Variants in GPR78 observed in about 807,000 individuals in gnomAD.
GPR78 encodes the protein G protein-coupled receptor 78.
Under a neutral mutation model 17.9 loss-of-function variants are expected in GPR78, and 29 were observed. That is an observed-to-expected ratio of 1.62 (90% CI 1.20 to 2.21). The LOEUF (loss-of-function observed/expected upper bound fraction) is 2.21, where lower values mean the gene tolerates loss of function less well. Ranked by LOEUF, GPR78 falls within the 30% of genes most tolerant of loss-of-function variation. The pLI is 0.00. For missense variants in GPR78, 649 were observed against 530.5 expected, an observed-to-expected ratio of 1.22 and a Z score of -2.19; for synonymous variants, 349 against 256.9, an observed-to-expected ratio of 1.36 and a Z score of -3.43.
chr4:8,581,320 G>A lies in GPR78; in HGVS notation c.338G>A (p.Arg113His). Residue 113 changes from arginine to histidine, a missense_variant, in exon 1 of 3, where the codon CGC (arginine) becomes CAC (histidine). Transcript: ENST00000382487. Reference protein sequence around the residue: ...DQWLAVGFPLRYAGRLRPRYA... With the variant: ...DQWLAVGFPLHYAGRLRPRYA... ...TGGCTGGCAGTGGGCTTCCCACTGCGCTACGCCGGACGCCTGCGACCGCGC... is the reference window on the plus strand; with the variant it reads ...TGGCTGGCAGTGGGCTTCCCACTGCACTACGCCGGACGCCTGCGACCGCGC... 1 of 1,579,374 alleles carries A rather than the reference G, an allele frequency of 6.3e-7. No individual in the cohort carries two copies. The highest frequency in any genetic ancestry group is 8.6e-7 in the Non-Finnish European group (1 of 1,168,958).
In GPR78 at chr4:8,581,434, G is replaced by A. The variant is rs1355562790; in HGVS notation, c.452G>A (p.Ser151Asn). The change falls in exon 1 of 3, where the codon AGC becomes AAC. Residue 151 changes from serine (S) to asparagine (N), a missense_variant. By Grantham distance (46) the Ser-to-Asn change is conservative. Transcript: ENST00000382487. ...ALGCSWLGYS[S>N]AFASCSLRLP... ...GGCTGCTCGTGGCTTGGCTACAGCAGCGCCTTCGCGTCCTGTTCGCTGCGC... is the reference window on the plus strand; with the variant it reads ...GGCTGCTCGTGGCTTGGCTACAGCAACGCCTTCGCGTCCTGTTCGCTGCGC... 3 of 1,588,768 alleles carry A rather than the reference G, an allele frequency of 1.9e-6. No individual in the cohort carries two copies. Among genetic ancestry groups the A allele is most frequent in the Admixed American group, 3.4e-5 (2 of 59,254 alleles).
rs1469256395 is a variant in GPR78 at position 8,589,209 on chromosome 4, C to G, written c.*1846C>G. On this transcript the variant is annotated 3_prime_UTR_variant, in exon 3 of 3. Coordinates refer to ENST00000382487, the MANE Select transcript of GPR78 (RefSeq NM_080819.5). ...ATTTGCTGACTCACCAATGCCTCCC[C>G]CAAAAGGATAAATTTAAAGGTGTGT... 6.6e-6 allele frequency among the ~76,000 whole-genome samples: 1 copy of G among 151,976 alleles called. No homozygotes were observed. Among genetic ancestry groups the G allele is most frequent in the Admixed American group, 6.6e-5 (1 of 15,256 alleles).
rs375411404 is a variant in GPR78 at position 8,587,294 on chromosome 4, G to A, written c.1023G>A (p.Pro341=). 1.2e-4 allele frequency: 187 copies of A among 1,610,806 alleles called. No individual in the cohort carries two copies. Among genetic ancestry groups the A allele is most frequent in the Non-Finnish European group, 1.4e-4 (161 of 1,178,270 alleles). ...TGCACCAGCTGCTGAAGAGAACCCC[G>A]CGCCCAGCGTCCACCCACAACGGCT... ...GMVHQLLKRT[P]RPASTHNGSV... is the part of the protein sequence containing the mutation. The change falls in exon 3 of 3, where the codon CCG becomes CCA. Residue 341 remains proline (P), a synonymous_variant. Coordinates refer to ENST00000382487, the MANE Select transcript of GPR78 (RefSeq NM_080819.5).
At position 8,587,995 on chromosome 4, in the gene GPR78, T is replaced by A. The variant is rs1180331576; in HGVS notation, c.*632T>A. On this transcript the variant is annotated 3_prime_UTR_variant, in exon 3 of 3. Transcript: ENST00000382487. ...CAGCTCCAGGCCTGTCCGCTGTGAC[T>A]GCCTGTGTGGGCACGCAGATGGAGC... 6.6e-6 allele frequency among the ~76,000 whole-genome samples: 1 copy of A among 152,216 alleles called. No individual in the cohort carries two copies. The highest frequency in any genetic ancestry group is 1.5e-5 in the Non-Finnish European group (1 of 68,040).
intron 1 of GPR78, 152 bp downstream of exon 1, chr4:8,581,802 C>CA: frequency 1.7e-6 from 1 of 596,446 alleles, no homozygotes; most frequent in South Asian, 2.6e-5. Flanking sequence ...ACAGGGGTTT[C>CA]CTGTTGGTTC....
In GPR78 at chr4:8,580,652, A is replaced by ACGCCCCG. The variant is rs1466622386; in HGVS notation, c.-324_-318dup. The ACGCCCCG allele has an allele frequency of 2.4e-6, 1 of 420,528 alleles. No homozygotes were observed. Among genetic ancestry groups the ACGCCCCG allele is most frequent in the Admixed American group, 4.3e-5 (1 of 23,192 alleles). The allele number at this position is 420,528 out of a possible 1,614,324, so 26.0% of individuals were successfully genotyped here. A position where few individuals can be genotyped will look rare whatever the true frequency, so the allele number is the denominator to read the frequency against. ...TAGGAAAGAGACCTCCCTCGCCCCT[A>ACGCCCCG]CGCCCCGCGCCCCTGCGCCTCGCTT... On this transcript the variant is annotated 5_prime_UTR_variant, in exon 1 of 3. Coordinates refer to ENST00000382487, the MANE Select transcript of GPR78 (RefSeq NM_080819.5).
At position 8,582,511 on chromosome 4, in the gene GPR78, A is replaced by C; in HGVS notation, c.669-20A>C. The C allele has an allele frequency of 6.4e-7, 1 of 1,557,214 alleles. No homozygotes were observed. On this transcript the variant is annotated intron_variant, in intron 1 of 2. Transcript: ENST00000382487. ...TCCCCACCCTGCCATCATCCTGACCACTGTCCTCTGTCCCCACAGTGTGCG... is the reference window on the plus strand; with the variant it reads ...TCCCCACCCTGCCATCATCCTGACCCCTGTCCTCTGTCCCCACAGTGTGCG...
In GPR78 at chr4:8,582,762, C is replaced by T. The variant is rs1713350949; in HGVS notation, c.782+118C>T. The T allele has an allele frequency of 9.7e-6, 7 of 721,256 alleles. No homozygotes were observed. In the South Asian group the frequency reaches 1.1e-4, roughly 11 times the overall value. The allele number at this position is 721,256 out of a possible 1,614,324, so 44.7% of individuals were successfully genotyped here. Reference sequence around the variant, plus strand: ...TGGAGGGCGGCCACCACCAGAGGACCCTCCTCCACACCTGACGGGCTCAGG... The same window carrying T: ...TGGAGGGCGGCCACCACCAGAGGACTCTCCTCCACACCTGACGGGCTCAGG... On this transcript the variant is annotated intron_variant, in intron 2 of 2. Coordinates refer to ENST00000382487, the MANE Select transcript of GPR78 (RefSeq NM_080819.5).
rs1713265266 is a variant in GPR78 at position 8,581,204 on chromosome 4, G to A, written c.222G>A (p.Ser74=). The A allele has an allele frequency of 2.2e-5, 35 of 1,599,412 alleles. No individual in the cohort carries two copies. The highest frequency in any genetic ancestry group is 2.8e-5 in the Non-Finnish European group (33 of 1,177,984). The change falls in exon 1 of 3, where the codon TCG becomes TCA. Residue 74 remains serine (S), a synonymous_variant. Coordinates refer to ENST00000382487, the MANE Select transcript of GPR78 (RefSeq NM_080819.5). ...GTGTGATGCGCGGGCGGACACCGTC[G>A]GCGCCCGGCGCATGCCAAGTCATTG... ...LLGVMRGRTP[S]APGACQVIGF... is the part of the protein sequence containing the mutation.
intron 1 of GPR78, 102 bp from the exon 2 acceptor site, chr4:8,582,429 C>T: frequency 1.3e-6 from 1 of 740,958 alleles, no homozygotes; most frequent in Non-Finnish European, 2.4e-6. Context: ...TAAACATCCT[C>T]CTGAAACCCT....
At chr4:8,585,502 G>T (rs1713466212) in intron 2 of GPR78, among the ~76,000 whole-genome samples, 1 of 152,092 alleles carries the variant, frequency 6.6e-6, no homozygotes, top group African/African-American at 2.4e-5. Context: ...GCTGTGACCA[G>T]TCTCCAGTCT....
intron 1 of GPR78, among the ~76,000 whole-genome samples, 185 bp from the exon 2 acceptor site, chr4:8,582,346 A>G (rs1713328578): frequency 6.6e-6 from 1 of 151,670 alleles, no homozygotes; most frequent in African/African-American, 2.4e-5. Context: ...CCTTTATTTC[A>G]CCTACAAAAA....
At position 8,587,425 on chromosome 4, in the gene GPR78, T is replaced by C. The variant is rs191083519; in HGVS notation, c.*62T>C. On this transcript the variant is annotated 3_prime_UTR_variant, in exon 3 of 3. Coordinates refer to ENST00000382487, the MANE Select transcript of GPR78 (RefSeq NM_080819.5). ...AGCCCTGTGGAAAGGGCACTGGCCC[T>C]GCCACAGAGATGCCACTGGGGACCC... 5.5e-4 allele frequency: 845 copies of C among 1,524,238 alleles called. 1 individual carries two copies. Among genetic ancestry groups the C allele is most frequent in the Non-Finnish European group, 7.0e-4 (787 of 1,119,970 alleles). 94.4% of individuals were successfully genotyped at this position (1,524,238 alleles called of 1,614,324 possible). A position where few individuals can be genotyped will look rare whatever the true frequency, so the allele number is the denominator to read the frequency against.
At chr4:8,586,997 G>A in intron 2 of GPR78, 57 bp from the exon 3 acceptor site, 1 of 1,459,318 alleles carries the variant, frequency 6.9e-7, no homozygotes, top group Non-Finnish European at 9.5e-7. Context: ...CCCGGAGCGT[G>A]AGTGCGTGGC....
At chr4:8,586,813 G>A (rs1713527544) in intron 2 of GPR78, among the ~76,000 whole-genome samples, 2 of 152,210 alleles carry the variant, frequency 1.3e-5, no homozygotes, top group Admixed American at 6.5e-5. Context: ...CACCTACTGA[G>A]CACCTGCTGT....
In GPR78 at chr4:8,581,399, CGCTGCACTT is replaced by C; in HGVS notation, c.419_427del (p.Ala140_Leu142del). On this transcript the variant is annotated inframe_deletion, in exon 1 of 3. Coordinates refer to ENST00000382487, the MANE Select transcript of GPR78 (RefSeq NM_080819.5). ...GGGGACAGTCGCTGGCCTTCTCAGG[CGCTGCACTT>C]GGCTGCTCGTGGCTTGGCTACAGCA... The C allele has an allele frequency of 6.3e-7, 1 of 1,586,602 alleles. No homozygotes were observed.
chr4:8,581,680 A>G (rs1208829317), intron 1 of GPR78, 30 bp downstream of exon 1: 1 of 1,418,526 alleles, frequency 7.0e-7, no homozygotes, highest in East Asian at 2.6e-5. Context: ...CGACAGGCCC[A>G]GGCCAGGGAC....
rs1236106888 is a variant in GPR78, at chr4:8,581,537, G to T, written c.555G>T (p.Leu185=). ...ATGCCGTGGGCTTCGTGCTGCCGCTGGCGGTGCTCTGCCTCACCTCGCTCC... is the reference window on the plus strand; with the variant it reads ...ATGCCGTGGGCTTCGTGCTGCCGCTTGCGGTGCTCTGCCTCACCTCGCTCC... ...TLHAVGFVLP[L]AVLCLTSLQV... is the part of the protein sequence containing the mutation. Residue 185 remains leucine, a synonymous_variant, in exon 1 of 3, where the codon CTG becomes CTT. Transcript: ENST00000382487. The T allele has an allele frequency of 6.3e-7, 1 of 1,587,876 alleles. No homozygotes were observed. Among genetic ancestry groups the T allele is most frequent in the African/African-American group, 1.3e-5 (1 of 74,754 alleles).
rs1188930009 is a variant in GPR78, at chr4:8,587,210, G to T, written c.939G>T (p.Leu313=). 6.2e-7 allele frequency: 1 copy of T among 1,610,784 alleles called. No homozygotes were observed. The highest frequency in any genetic ancestry group is 1.1e-5 in the South Asian group (1 of 90,976). The change falls in exon 3 of 3, where the codon CTG becomes CTT. Residue 313 remains leucine, a synonymous_variant. Coordinates refer to ENST00000382487, the MANE Select transcript of GPR78 (RefSeq NM_080819.5). The part of the protein sequence containing the change: ...QVLAGMVHRL[L]KRTPRPASTH... ...TGGCCGGCATGGTGCACCGGCTGCTGAAGAGAACCCCGCGCCCAGCATCCA... is the reference window on the plus strand; with the variant it reads ...TGGCCGGCATGGTGCACCGGCTGCTTAAGAGAACCCCGCGCCCAGCATCCA...
Sources: allele counts gnomAD v4.1 joint callset (sites outside exome capture counted in the v4.1 genomes callset), GRCh38; gene constraint gnomAD v4.1.1; transcripts MANE v1.5; gene names NCBI Gene and HGNC (gene_info 2026-07-23, HGNC 2026-07-21).